The following MRPS22 variants were observed in gnomAD, a reference collection of about 807,000 sequenced individuals.
MRPS22 encodes mitochondrial ribosomal protein S22.
A neutral mutation model predicts 44.0 loss-of-function variants in MRPS22; 30 were observed. The ratio of observed to expected loss-of-function variants is 0.68; its 90% CI spans 0.51 to 0.93. MRPS22 has a LOEUF of 0.93. Among genes scored for constraint, MRPS22 ranks in the 40% least tolerant of loss-of-function variants. The pLI is 0.00. For synonymous variants in MRPS22, 165 were observed against 154.4 expected, an observed-to-expected ratio of 1.07 and a Z score of -0.51; for missense variants, 447 against 447.8, an observed-to-expected ratio of 1.00 and a Z score of 0.02.
rs555738113 is a variant in MRPS22, at chr3:139,351,212, A to G, written c.732+152A>G. 9 of 651,634 alleles carry G rather than the reference A, an allele frequency of 1.4e-5. No individual in the cohort carries two copies. The African/African-American group carries it at 1.4e-4, about 10-fold the overall frequency. 40.4% of individuals were successfully genotyped at this position (651,634 alleles called of 1,614,324 possible). A position where few individuals can be genotyped will look rare whatever the true frequency, so the allele number is the denominator to read the frequency against. ...TATTGAGTACAGTTGTGTGCCAGATATATATTTTATAATCACAACAACCCT... is the reference window on the plus strand; with the variant it reads ...TATTGAGTACAGTTGTGTGCCAGATGTATATTTTATAATCACAACAACCCT... On this transcript the variant is annotated intron_variant, in intron 5 of 7. Transcript: ENST00000680020.
intron 5 of MRPS22, 143 bp from the exon 6 acceptor site, chr3:139,352,504 C>T: frequency 1.4e-6 from 1 of 699,110 alleles, no homozygotes; most frequent in South Asian, 1.5e-5. Flanking sequence ...TAAATCATAC[C>T]AATTGGTTAA....
chr3:139,356,810 A>T, intron 7 of MRPS22, 109 bp from the exon 8 acceptor site: 3 of 761,206 alleles, frequency 3.9e-6, no homozygotes, highest in Non-Finnish European at 6.6e-6. Context: ...AGCCCTTTTT[A>T]AGTAGGACTC....
In MRPS22 at chr3:139,351,071, T is replaced by G; in HGVS notation, c.732+11T>G. The G allele has an allele frequency of 1.2e-6, 2 of 1,605,428 alleles. No homozygotes were observed. Among genetic ancestry groups the G allele is most frequent in the Non-Finnish European group, 1.7e-6 (2 of 1,172,056 alleles). ...ACAGAGTATATCAAGGTGAGTAGAT[T>G]TTAGTTTCTAAAATATAGGCTTAAG... is the stretch of plus-strand genomic sequence containing the variant. On this transcript the variant is annotated intron_variant, in intron 5 of 7. Coordinates refer to ENST00000680020, the MANE Select transcript of MRPS22 (RefSeq NM_020191.4).
intron 3 of MRPS22, chr3:139,349,470 T>C: frequency 3.8e-6 from 1 of 266,132 alleles, no homozygotes. Context: ...CAAAGCTCCA[T>C]GTATGCCACT....
intron 1 of MRPS22, among the ~76,000 whole-genome samples, chr3:139,346,155 G>A (rs1941035182): frequency 6.6e-6 from 1 of 152,180 alleles, no homozygotes; most frequent in Admixed American, 6.5e-5. Context: ...TCAGTATCAT[G>A]TCCAGTGAAC....
Position 139,357,127 on chromosome 3 carries a change from C to A in MRPS22, c.*113C>A. ...AAAAGATATCAATTTGTAGTTCTCC[C>A]TACAAAGCAAAAATTATTACCCTAC... On this transcript the variant is annotated 3_prime_UTR_variant, in exon 8 of 8. Coordinates refer to ENST00000680020, the MANE Select transcript of MRPS22 (RefSeq NM_020191.4). 1 of 880,876 alleles carries A rather than the reference C, an allele frequency of 1.1e-6. No individual in the cohort carries two copies. The highest frequency in any genetic ancestry group is 1.6e-5 in the South Asian group (1 of 64,332). The allele number at this position is 880,876 out of a possible 1,614,324, so 54.6% of individuals were successfully genotyped here.
Position 139,351,042 on chromosome 3 carries a change from T to C in MRPS22, c.714T>C (p.Asp238=), listed in dbSNP as rs368016539. 6.2e-7 allele frequency: 1 copy of C among 1,613,850 alleles called. No individual in the cohort carries two copies. Among genetic ancestry groups the C allele is most frequent in the East Asian group, 2.2e-5 (1 of 44,878 alleles). ...LNLCFAQFEP[D]STEYIKVHHK... ...TCTGCTTTGCCCAGTTTGAGCCAGA[T>C]TCCACAGAGTATATCAAGGTGAGTA... The change falls in exon 5 of 8, where the codon GAT becomes GAC. Residue 238 remains aspartate, a synonymous_variant. Coordinates refer to ENST00000680020, the MANE Select transcript of MRPS22 (RefSeq NM_020191.4).
chr3:139,349,091 C>A (rs561933682), intron 3 of MRPS22: 1 of 332,846 alleles, frequency 3.0e-6, no homozygotes, highest in South Asian at 2.4e-5. Flanking sequence ...ATGTTCAACA[C>A]CAGCCATCTG....
rs10755092 is a variant in MRPS22 at position 139,348,060 on chromosome 3, A to G, written c.340-100A>G. On this transcript the variant is annotated intron_variant, in intron 2 of 7. Transcript: ENST00000680020. ...GATTTGTGGCTACACCTTCTTTTCTATGCAGGTTTTTGCATTTTTTATTAG... is the reference window on the plus strand; with the variant it reads ...GATTTGTGGCTACACCTTCTTTTCTGTGCAGGTTTTTGCATTTTTTATTAG... 9 of 1,226,978 alleles carry G rather than the reference A, an allele frequency of 7.3e-6. No homozygotes were observed. The South Asian group carries it at 1.1e-4, about 14-fold the overall frequency. 76.0% of individuals were successfully genotyped at this position (1,226,978 alleles called of 1,614,324 possible).
intron 1 of MRPS22, among the ~76,000 whole-genome samples, chr3:139,345,435 G>A (rs1941020626): frequency 8.3e-6 from 1 of 120,080 alleles, no homozygotes; most frequent in Admixed American, 8.6e-5. Flanking sequence ...CTCTGCCAGT[G>A]GTGTTTTTTT....
Position 139,351,034 on chromosome 3 carries a change from G to A in MRPS22, c.706G>A (p.Glu236Lys). The change falls in exon 5 of 8, where the codon GAG becomes AAG. Residue 236 changes from glutamate (E) to lysine (K), a missense_variant. Coordinates refer to ENST00000680020, the MANE Select transcript of MRPS22 (RefSeq NM_020191.4). ...DVLNLCFAQF[E>K]PDSTEYIKVH... ...CCTCAATCTCTGCTTTGCCCAGTTT[G>A]AGCCAGATTCCACAGAGTATATCAA... 1.9e-6 allele frequency: 3 copies of A among 1,614,072 alleles called. No individual in the cohort carries two copies. Among genetic ancestry groups the A allele is most frequent in the Non-Finnish European group, 2.5e-6 (3 of 1,179,976 alleles).
intron 2 of MRPS22, 89 bp downstream of exon 2, chr3:139,347,133 T>C: frequency 7.0e-7 from 1 of 1,418,904 alleles, no homozygotes; most frequent in Non-Finnish European, 1.0e-6. Context: ...TTATAGCTAT[T>C]CTTCCATAGG....
chr3:139,344,360 A>AT (rs1399319442), intron 1 of MRPS22, among the ~76,000 whole-genome samples, 162 bp downstream of exon 1: 2 of 152,252 alleles, frequency 1.3e-5, no homozygotes, highest in Non-Finnish European at 2.9e-5. Flanking sequence ...CATCACCTGC[A>AT]TATCTGTTCA....
chr3:139,349,265 CA>C, intron 3 of MRPS22: 1 of 428,550 alleles, frequency 2.3e-6, no homozygotes, highest in Admixed American at 2.9e-5. Flanking sequence ...CTCAAATTAC[CA>C]AAATCCTTCT....
At chr3:139,345,086 G>T (rs2107786205) in intron 1 of MRPS22, among the ~76,000 whole-genome samples, 1 of 152,162 alleles carries the variant, frequency 6.6e-6, no homozygotes, top group East Asian at 1.9e-4. Context: ...CTGTGTGCTG[G>T]ATACCCTGAG....
intron 2 of MRPS22, 44 bp downstream of exon 2, chr3:139,347,088 G>C: frequency 6.2e-7 from 1 of 1,607,920 alleles, no homozygotes; most frequent in South Asian, 1.1e-5. Context: ...TTCTTTAAGG[G>C]TTTAAACAAC....
intron 6 of MRPS22, among the ~76,000 whole-genome samples, chr3:139,354,993 AC>A (rs1251948638): frequency 3.3e-5 from 5 of 152,226 alleles, no homozygotes; most frequent in Admixed American, 3.3e-4. Context: ...TCTGAGAAGT[AC>A]AGACCAGAAG....
At chr3:139,356,103 G>A (rs537021448) in intron 7 of MRPS22, among the ~76,000 whole-genome samples, 1 of 152,286 alleles carries the variant, frequency 6.6e-6, no homozygotes, top group African/African-American at 2.4e-5. Context: ...TGCATCTGAG[G>A]TGTTCAAGCC....
At chr3:139,356,039 C>T (rs1422815098) in intron 7 of MRPS22, among the ~76,000 whole-genome samples, 2 of 152,128 alleles carry the variant, frequency 1.3e-5, no homozygotes, top group Non-Finnish European at 2.9e-5. Flanking sequence ...CAGAGAAGTT[C>T]TGACAGTGCA....
Sources: allele counts gnomAD v4.1 joint callset (sites outside exome capture counted in the v4.1 genomes callset), GRCh38; gene constraint gnomAD v4.1.1; transcripts MANE v1.5; gene names NCBI Gene and HGNC (gene_info 2026-07-23, HGNC 2026-07-21).